Variants in EME2 observed in about 807,000 individuals in gnomAD.
EME2 encodes essential meiotic structure-specific endonuclease subunit 2.
Under a neutral mutation model 41.9 loss-of-function variants are expected in EME2, and 58 were observed. That is an observed-to-expected ratio of 1.38 (90% confidence interval 1.12 to 1.72). The LOEUF (loss-of-function observed/expected upper bound fraction) is 1.72. Ranked by LOEUF, EME2 falls within the 40% of genes most tolerant of loss-of-function variation. EME2 has a pLI of 0.00. For synonymous variants in EME2, 334 were observed against 239.3 expected (o/e 1.40, Z -3.65); for missense variants, 695 against 541.9 (o/e 1.28, Z -2.81).
chr16:1,776,954 C>A lies in EME2; in HGVS notation c.*716C>A. On this transcript the variant is annotated 3_prime_UTR_variant, in exon 8 of 8. Transcript: ENST00000568449. ...GCCCCCACAGAAAGGACTGTCCCAG[C>A]CTCGGGAGCAAGAGATGGCTCCCTC... 1.0e-6 allele frequency: 1 copy of A among 959,208 alleles called. No homozygotes were observed. The highest frequency in any genetic ancestry group is 1.5e-6 in the Non-Finnish European group (1 of 657,188). 59.4% of individuals were successfully genotyped at this position (959,208 alleles called of 1,614,324 possible). A position where few individuals can be genotyped will look rare whatever the true frequency, so the allele number is the denominator to read the frequency against.
rs2042698002 is a variant in EME2 at position 1,775,552 on chromosome 16, G to T, written c.664-17G>T. 6.2e-7 allele frequency: 1 copy of T among 1,611,958 alleles called. No individual in the cohort carries two copies. Among genetic ancestry groups the T allele is most frequent in the Non-Finnish European group, 8.5e-7 (1 of 1,179,174 alleles). ...GCCTTCCTCTGGCTCGTGCCCATCAGCTTGCCTCCTCCCCAGGCCCTGGTA... is the reference window on the plus strand; with the variant it reads ...GCCTTCCTCTGGCTCGTGCCCATCATCTTGCCTCCTCCCCAGGCCCTGGTA... On this transcript the variant is annotated splice_polypyrimidine_tract_variant and intron_variant, in intron 5 of 7. Transcript: ENST00000568449.
chr16:1,773,959 G>A, intron 2 of EME2, 118 bp downstream of exon 2: 1 of 1,316,402 alleles, frequency 7.6e-7, no homozygotes, highest in Non-Finnish European at 1.0e-6. Flanking sequence ...TCGCGGATGG[G>A]TAAAGCAAGG....
In EME2 at chr16:1,773,389, G is replaced by T. The variant is rs780329281; in HGVS notation, c.162G>T (p.Ala54=). Reference sequence around the variant, plus strand: ...CCGCCGCGAGAGCCCGGGACCCAGCGGGTGAGCGCAGGGCGGCTGCCGAGG... The same window carrying T: ...CCGCCGCGAGAGCCCGGGACCCAGCTGGTGAGCGCAGGGCGGCTGCCGAGG... ...SEAAARARDP[A]GERRAAAEAL... is the part of the protein sequence containing the mutation. The change falls in exon 1 of 8, where the codon GCG becomes GCT. Residue 54 remains alanine (A), a synonymous_variant. Transcript: ENST00000568449. The T allele has an allele frequency of 2.0e-6, 3 of 1,483,822 alleles. No individual in the cohort carries two copies. Among genetic ancestry groups the T allele is most frequent in the South Asian group, 1.3e-5 (1 of 75,524 alleles). The allele number at this position is 1,483,822 out of a possible 1,614,324, so 91.9% of individuals were successfully genotyped here.
At position 1,781,361 on chromosome 16, in the gene EME2, C is replaced by T. The variant is rs760655459; in HGVS notation, c.*5123C>T. The T allele has an allele frequency of 3.7e-5, 59 of 1,612,952 alleles. No homozygotes were observed. Among genetic ancestry groups the T allele is most frequent in the Non-Finnish European group, 4.9e-5 (58 of 1,180,020 alleles). Reference sequence around the variant, plus strand: ...CGCCTCGCCCGCTGGAACCTACCTGCCCATCAGAGTCGTAGCCCCAGTTAG... The same window carrying T: ...CGCCTCGCCCGCTGGAACCTACCTGTCCATCAGAGTCGTAGCCCCAGTTAG... On this transcript the variant is annotated 3_prime_UTR_variant, in exon 8 of 8. Coordinates refer to ENST00000568449, the MANE Select transcript of EME2 (RefSeq NM_001257370.2).
rs899109953 is a variant in EME2, at chr16:1,781,391, G to A, written c.*5153G>A. 2 of 1,612,760 alleles carry A rather than the reference G, an allele frequency of 1.2e-6. No homozygotes were observed. The highest frequency in any genetic ancestry group is 1.7e-6 in the Non-Finnish European group (2 of 1,180,018). On this transcript the variant is annotated 3_prime_UTR_variant, in exon 8 of 8. Coordinates refer to ENST00000568449, the MANE Select transcript of EME2 (RefSeq NM_001257370.2). ...CAGAGTCGTAGCCCCAGTTAGTGGA[G>A]CCTGCTAGAGCCACGGCCCGGGCAT...
In EME2 at chr16:1,775,639, G is replaced by A. The variant is rs370009102; in HGVS notation, c.734G>A (p.Arg245Gln). 157 of 1,612,898 alleles carry A rather than the reference G, an allele frequency of 9.7e-5. 1 individual carries two copies. The highest frequency in any genetic ancestry group is 9.7e-4 in the South Asian group (88 of 91,084). ...LLVASWQELS[R>Q]HVCAVTKALA... The stretch of plus-strand genomic sequence containing the variant: ...GTGGCCTCTTGGCAGGAGCTGAGTC[G>A]GCACGTGTGCGCCGTTACCAAGGCT... The change falls in exon 6 of 8, where the codon CGG (arginine) becomes CAG (glutamine). Residue 245 changes from arginine to glutamine, a missense_variant. Physicochemically the swap from Arg to Gln is conservative, Grantham distance 43. Coordinates refer to ENST00000568449, the MANE Select transcript of EME2 (RefSeq NM_001257370.2).
chr16:1,774,381 C>G (rs925869883), intron 3 of EME2, 29 bp downstream of exon 3: 1 of 1,576,886 alleles, frequency 6.3e-7, no homozygotes, highest in East Asian at 2.2e-5. Flanking sequence ...TAGTCCCTCT[C>G]TAATCAGGAG....
chr16:1,776,233 T>C lies in EME2; in HGVS notation c.1135T>C (p.Ser379Pro), dbSNP rs1311266231. 1 of 1,612,418 alleles carries C rather than the reference T, an allele frequency of 6.2e-7. No individual in the cohort carries two copies. The highest frequency in any genetic ancestry group is 2.2e-5 in the East Asian group (1 of 44,872). ...CCCTGATCTCCTGCTGGACCTGGGC[T>C]CCTGACCACACGTGGGACCACCAGG... Reference protein sequence around the residue: ...ANPDLLLDLGS With the variant: ...ANPDLLLDLGP The change falls in exon 8 of 8, where the codon TCC becomes CCC. Residue 379 changes from serine (S) to proline (P), a missense_variant. Physicochemically the swap from Ser to Pro is moderately conservative, Grantham distance 74 (BLOSUM62 -1). Transcript: ENST00000568449.
intron 2 of EME2, 62 bp from the exon 3 acceptor site, chr16:1,774,198 G>T: frequency 6.8e-7 from 1 of 1,469,758 alleles, no homozygotes; most frequent in Non-Finnish European, 9.5e-7. Flanking sequence ...GGACTGCCCA[G>T]GCAGGGCCCC....
At position 1,776,370 on chromosome 16, in the gene EME2, C is replaced by G. The variant is rs1322464327; in HGVS notation, c.*132C>G. ...TTCTCTGGCTGAGCAGGTCTGACCT[C>G]AGGGGAAGGGTGGGTGGTTGCAGGG... On this transcript the variant is annotated 3_prime_UTR_variant, in exon 8 of 8. Coordinates refer to ENST00000568449, the MANE Select transcript of EME2 (RefSeq NM_001257370.2). 1.2e-6 allele frequency: 1 copy of G among 807,776 alleles called. No homozygotes were observed. The highest frequency in any genetic ancestry group is 2.0e-6 in the Non-Finnish European group (1 of 505,996). 50.0% of individuals were successfully genotyped at this position (807,776 alleles called of 1,614,324 possible). A position where few individuals can be genotyped will look rare whatever the true frequency, so the allele number is the denominator to read the frequency against.
At position 1,775,677 on chromosome 16, in the gene EME2, C is replaced by T. The variant is rs376700961; in HGVS notation, c.772C>T (p.Pro258Ser). The T allele has an allele frequency of 1.4e-5, 22 of 1,612,948 alleles. No homozygotes were observed. The highest frequency in any genetic ancestry group is 2.2e-5 in the South Asian group (2 of 91,086). Residue 258 changes from proline (P) to serine (S), a missense_variant, in exon 6 of 8, where the codon CCC becomes TCC. Physicochemically the swap from Pro to Ser is moderately conservative, Grantham distance 74. Transcript: ENST00000568449. ...CAVTKALAQY[P>S]LKQYRESQAF... ...CGTTACCAAGGCTCTCGCCCAGTAT[C>T]CCCTCAAGTGCGTGATGCCAAGGCT...
At chr16:1,774,191 C>T in intron 2 of EME2, 69 bp from the exon 3 acceptor site, 1 of 1,368,230 alleles carries the variant, frequency 7.3e-7, no homozygotes. Flanking sequence ...TGCTGCTGGA[C>T]TGCCCAGGCA....
At position 1,773,722 on chromosome 16, in the gene EME2, G is replaced by A. The variant is rs759897366; in HGVS notation, c.265G>A (p.Gly89Ser). 6.5e-6 allele frequency: 10 copies of A among 1,548,820 alleles called. No individual in the cohort carries two copies. Among genetic ancestry groups the A allele is most frequent in the Non-Finnish European group, 7.0e-6 (8 of 1,147,244 alleles). Residue 89 changes from glycine to serine, a missense_variant, in exon 2 of 8, where the codon GGT becomes AGT. Coordinates refer to ENST00000568449, the MANE Select transcript of EME2 (RefSeq NM_001257370.2). ...CVDTAILEDAGADVLMEALEA... is the reference protein window; with the variant it reads ...CVDTAILEDASADVLMEALEA... ...GGTCCCAGCCATCCTGGAAGACGCC[G>A]GTGCCGACGTCCTGATGGAGGCCCT...
rs879668975 is a variant in EME2 at position 1,779,532 on chromosome 16, C to G, written c.*3294C>G. On this transcript the variant is annotated 3_prime_UTR_variant, in exon 8 of 8. Transcript: ENST00000568449. ...AGCCAGCTTCAGGGCAGGACACTGT[C>G]CTTTCTGGAGGGGATGGCCCCACCC... 2 of 152,360 alleles carry G rather than the reference C, an allele frequency of 1.3e-5. No homozygotes were observed. Among genetic ancestry groups the G allele is most frequent in the Non-Finnish European group, 2.9e-5 (2 of 68,156 alleles). 9.4% of individuals were successfully genotyped at this position (152,360 alleles called of 1,614,324 possible).
rs117602367 is a variant in EME2 at position 1,776,349 on chromosome 16, C to T, written c.*111C>T. On this transcript the variant is annotated 3_prime_UTR_variant, in exon 8 of 8. Transcript: ENST00000568449. The stretch of plus-strand genomic sequence containing the variant: ...TGGACCCTCAGCCTGGGTGGGTTCT[C>T]TGGCTGAGCAGGTCTGACCTCAGGG... The T allele has an allele frequency of 2.8e-4, 320 of 1,140,956 alleles. 1 individual carries two copies. In the East Asian group the frequency reaches 6.6e-3, roughly 24 times the overall value. 70.7% of individuals were successfully genotyped at this position (1,140,956 alleles called of 1,614,324 possible).
At chr16:1,774,203 G>T (rs2042675312) in intron 2 of EME2, 57 bp from the exon 3 acceptor site, 3 of 1,491,766 alleles carry the variant, frequency 2.0e-6, no homozygotes, top group Non-Finnish European at 2.8e-6. Flanking sequence ...GCCCAGGCAG[G>T]GCCCCTGGGG....
In EME2 at chr16:1,777,899, C is replaced by T. The variant is rs776479172; in HGVS notation, c.*1661C>T. 4 of 1,611,574 alleles carry T rather than the reference C, an allele frequency of 2.5e-6. No homozygotes were observed. Among genetic ancestry groups the T allele is most frequent in the Admixed American group, 3.3e-5 (2 of 59,948 alleles). ...TGGGGGCAGCCAGGGTCGCAGTGAG[C>T]CCGGGAGCTCCAGGCTCGGCCCCGC... On this transcript the variant is annotated 3_prime_UTR_variant, in exon 8 of 8. Transcript: ENST00000568449.
chr16:1,775,605 G>A lies in EME2; in HGVS notation c.700G>A (p.Val234Met), dbSNP rs754107144. ...VLLQLWANLD[V>M]LLVASWQELS... ...CCTGCAGCTCTGGGCAAACCTGGAC[G>A]TGCTACTGGTGGCCTCTTGGCAGGA... The change falls in exon 6 of 8, where the codon GTG becomes ATG. Residue 234 changes from valine to methionine, a missense_variant. Transcript: ENST00000568449. 32 of 1,612,802 alleles carry A rather than the reference G, an allele frequency of 2.0e-5. No homozygotes were observed. The highest frequency in any genetic ancestry group is 2.4e-5 in the Non-Finnish European group (28 of 1,180,020).
Position 1,781,127 on chromosome 16 carries a change from AGT to A in EME2, c.*4894_*4895del. The A allele has an allele frequency of 6.8e-7, 1 of 1,471,482 alleles. No individual in the cohort carries two copies. The highest frequency in any genetic ancestry group is 9.1e-7 in the Non-Finnish European group (1 of 1,099,778). The allele number at this position is 1,471,482 out of a possible 1,614,324, so 91.2% of individuals were successfully genotyped here. A position where few individuals can be genotyped will look rare whatever the true frequency, so the allele number is the denominator to read the frequency against. ...GAGGAGAAAGCACAGTGAAGAATGC[AGT>A]GTGTTCTGAGGTCCTGTCACCCCTG... On this transcript the variant is annotated 3_prime_UTR_variant, in exon 8 of 8. Coordinates refer to ENST00000568449, the MANE Select transcript of EME2 (RefSeq NM_001257370.2).
Sources: gnomAD v4.1 joint callset for allele counts on GRCh38, gnomAD v4.1.1 for gene constraint, MANE v1.5 for transcripts, NCBI Gene and HGNC (gene_info 2026-07-23, HGNC 2026-07-21) for gene names.